PCDHGB5: variants seen among roughly 807,000 people sequenced by gnomAD.
PCDHGB5 encodes the protein protocadherin gamma-B5.
A neutral mutation model predicts 62.9 loss-of-function variants in PCDHGB5; 48 were observed. The ratio of observed to expected loss-of-function variants is 0.76; its 90% CI spans 0.61 to 0.97. The LOEUF is 0.97. PCDHGB5 is among the 50% of genes least tolerant of loss of function. The probability of loss-of-function intolerance (pLI) is 0.00; values close to 1 mark genes in which losing one functional copy is unlikely to be tolerated. For synonymous variants in PCDHGB5, 474 were observed against 511.2 expected (o/e 0.93, Z 0.98); for missense variants, 1,118 against 1,198.6 (o/e 0.93, Z 0.99).
intron 1 of PCDHGB5, chr5:141,419,005 C>G: frequency 6.2e-7 from 1 of 1,613,944 alleles, no homozygotes; most frequent in Non-Finnish European, 8.5e-7. Context: ...ATGGGGAAGT[C>G]AGGTGTAGCT....
chr5:141,487,491 C>A lies in PCDHGB5; in HGVS notation c.2398-7316C>A. On this transcript the variant is annotated intron_variant, in intron 1 of 3. Transcript: ENST00000617380. This position sits in a 1 kb window ranked among gnomAD's most constrained non-coding sequence, Gnocchi z 5.0. The stretch of plus-strand genomic sequence containing the variant: ...GTGGGAGGCCACTCTCATGGCTGTA[C>A]ACCCTTGGCTTCTGCACCCACTCGG... The A allele has an allele frequency of 6.2e-7, 1 of 1,614,204 alleles. No individual in the cohort carries two copies. The highest frequency in any genetic ancestry group is 8.5e-7 in the Non-Finnish European group (1 of 1,180,034).
In PCDHGB5 at chr5:141,431,615, G is replaced by C. The variant is rs1231591874; in HGVS notation, c.2397+31091G>C. The C allele has an allele frequency of 1.2e-6, 2 of 1,614,118 alleles. No individual in the cohort carries two copies. Among genetic ancestry groups the C allele is most frequent in the Non-Finnish European group, 8.5e-7 (1 of 1,180,050 alleles). ...GAGGTATTCCTTCCGGTATGTGGACGACAAGGCGGCCCAAGTTTTCAAACT... is the reference window on the plus strand; with the variant it reads ...GAGGTATTCCTTCCGGTATGTGGACCACAAGGCGGCCCAAGTTTTCAAACT... On this transcript the variant is annotated intron_variant, in intron 1 of 3. Coordinates refer to ENST00000617380, the MANE Select transcript of PCDHGB5 (RefSeq NM_018925.3). This position sits in a 1 kb window ranked among gnomAD's most constrained non-coding sequence, Gnocchi z 4.8.
intron 1 of PCDHGB5, chr5:141,429,265 T>C (rs1297239650): frequency 6.6e-6 from 1 of 152,148 alleles, no homozygotes; most frequent in Non-Finnish European, 1.5e-5. Flanking sequence ...GAGGAATAAA[T>C]TTTTTTCCTG....
chr5:141,428,305 G>T (rs751498223), intron 1 of PCDHGB5: 8 of 694,348 alleles, frequency 1.2e-5, no homozygotes. Flanking sequence ...GATTTACCTG[G>T]TCGTGGCCTT....
chr5:141,485,105 G>A lies in PCDHGB5; in HGVS notation c.2398-9702G>A. On this transcript the variant is annotated intron_variant, in intron 1 of 3. Transcript: ENST00000617380. The surrounding 1 kb of genome is among the most constrained non-coding windows in gnomAD (Gnocchi z 5.7). ...AGGGAGATAGGTGTCTCCAGCTGCT[G>A]TGGCTGTTTGGGGCGGGTCGGCTTC... 8.3e-7 allele frequency: 1 copy of A among 1,205,940 alleles called. No individual in the cohort carries two copies. Among genetic ancestry groups the A allele is most frequent in the Non-Finnish European group, 1.2e-6 (1 of 827,784 alleles). The allele number at this position is 1,205,940 out of a possible 1,614,324, so 74.7% of individuals were successfully genotyped here.
At chr5:141,452,511 A>G (rs573632978) in intron 1 of PCDHGB5, among the ~76,000 whole-genome samples, 1 of 152,056 alleles carries the variant, frequency 6.6e-6, no homozygotes, top group South Asian at 2.1e-4. Context: ...TTGTACACAC[A>G]CTCCCTCAAA....
At chr5:141,461,430 A>G (rs1239117668) in intron 1 of PCDHGB5, among the ~76,000 whole-genome samples, 2 of 151,992 alleles carry the variant, frequency 1.3e-5, no homozygotes, top group African/African-American at 4.8e-5. Context: ...GGCCATTTGT[A>G]TACCTTCTTT....
intron 1 of PCDHGB5, chr5:141,402,911 C>T: frequency 1.3e-6 from 2 of 1,551,976 alleles, no homozygotes; most frequent in South Asian, 1.2e-5. Context: ...TGAAGCAGCG[C>T]GCACAGAGAT....
chr5:141,460,791 C>A (rs2098997892), intron 1 of PCDHGB5, among the ~76,000 whole-genome samples: 1 of 151,666 alleles, frequency 6.6e-6, no homozygotes, highest in Non-Finnish European at 1.5e-5. Context: ...TATATACACA[C>A]AAAGTATATA....
At chr5:141,418,800 G>A in intron 1 of PCDHGB5, 1 of 1,613,800 alleles carries the variant, frequency 6.2e-7, no homozygotes, top group African/African-American at 1.3e-5. Context: ...GAAGTAGAAA[G>A]ATATACGATA....
rs149314216 is a variant in PCDHGB5, at chr5:141,487,041, G to A, written c.2398-7766G>A. 2.1e-3 allele frequency: 3,442 copies of A among 1,614,128 alleles called. 3 individuals carry two copies. Among genetic ancestry groups the A allele is most frequent in the Non-Finnish European group, 2.7e-3 (3,235 of 1,180,026 alleles). ...GATCCCAGCCTGTTTGCAGTCTCTC[G>A]ATATGCTGGGGAGGTGCGGACGGCT... On this transcript the variant is annotated intron_variant, in intron 1 of 3. Transcript: ENST00000617380. The surrounding 1 kb of genome is among the most constrained non-coding windows in gnomAD (Gnocchi z 5.0).
intron 1 of PCDHGB5, chr5:141,415,868 G>A: frequency 9.2e-7 from 1 of 1,090,360 alleles, no homozygotes; most frequent in Non-Finnish European, 1.2e-6. Flanking sequence ...TTATAGTGTT[G>A]TTGAGTACAA....
intron 1 of PCDHGB5, chr5:141,414,391 T>TG (rs1367379916): frequency 6.2e-7 from 1 of 1,613,862 alleles, no homozygotes; most frequent in South Asian, 1.1e-5. Flanking sequence ...TGACAGTTAT[T>TG]ACAGATTGGT....
chr5:141,419,660 A>C (rs759082983), intron 1 of PCDHGB5: 1 of 1,612,798 alleles, frequency 6.2e-7, no homozygotes, highest in Admixed American at 1.7e-5. Context: ...CTCGGGGCAC[A>C]ATGCCTGGCT....
rs2093950243 is a variant in PCDHGB5 at position 141,400,050 on chromosome 5, T to C, written c.1923T>C (p.Ala641=). The part of the protein sequence containing the change: ...RDAARQRLLV[A]VRDGGQPPLS... ...CGGCCCGCCAGCGCCTGCTGGTTGC[T>C]GTGCGTGATGGTGGACAGCCGCCAC... Residue 641 remains alanine (A), a synonymous_variant, in exon 1 of 4, where the codon GCT becomes GCC. Transcript: ENST00000617380. 1.2e-6 allele frequency: 2 copies of C among 1,613,616 alleles called. No homozygotes were observed. Among genetic ancestry groups the C allele is most frequent in the Non-Finnish European group, 1.7e-6 (2 of 1,179,846 alleles).
At position 141,491,299 on chromosome 5, in the gene PCDHGB5, C is replaced by T. The variant is rs777271881; in HGVS notation, c.2398-3508C>T. ...TGACTTCCTCATACACCCTCCTGAG[C>T]GTTCAGACCTTACCCTTTACCTCAT... On this transcript the variant is annotated intron_variant, in intron 1 of 3. Transcript: ENST00000617380. This position sits in a 1 kb window ranked among gnomAD's most constrained non-coding sequence, Gnocchi z 6.9. 3.7e-6 allele frequency: 6 copies of T among 1,614,068 alleles called. No individual in the cohort carries two copies. Among genetic ancestry groups the T allele is most frequent in the Non-Finnish European group, 5.1e-6 (6 of 1,179,896 alleles).
Position 141,476,461 on chromosome 5 carries a change from G to T in PCDHGB5, c.2398-18346G>T. On this transcript the variant is annotated intron_variant, in intron 1 of 3. Transcript: ENST00000617380. This position sits in a 1 kb window ranked among gnomAD's most constrained non-coding sequence, Gnocchi z 7.6. The stretch of plus-strand genomic sequence containing the variant: ...CTCTGGAGTTGGTAGTGGAGAACCC[G>T]CTGGAGCTGTTCAGCGTGGAAGTGG... The T allele has an allele frequency of 6.2e-7, 1 of 1,614,122 alleles. No homozygotes were observed. Among genetic ancestry groups the T allele is most frequent in the Non-Finnish European group, 8.5e-7 (1 of 1,180,022 alleles).
chr5:141,446,692 G>T (rs543476108), intron 1 of PCDHGB5, among the ~76,000 whole-genome samples: 2 of 152,280 alleles, frequency 1.3e-5, no homozygotes, highest in African/African-American at 4.8e-5. Context: ...TGGCCAGGCT[G>T]GTCTCGAACT....
chr5:141,463,500 G>A (rs866521006), intron 1 of PCDHGB5, among the ~76,000 whole-genome samples: 30 of 139,838 alleles, frequency 2.1e-4, no homozygotes, highest in African/African-American at 7.0e-4. Context: ...CCAGGCTGGA[G>A]TGACGTGGCG....
Sources: allele counts gnomAD v4.1 joint callset (sites outside exome capture counted in the v4.1 genomes callset), GRCh38; gene constraint gnomAD v4.1.1; non-coding constraint Gnocchi (gnomAD v3.1); transcripts MANE v1.5; gene names NCBI Gene and HGNC (gene_info 2026-07-23, HGNC 2026-07-21).